Variants in TMOD1 observed in about 807,000 individuals in gnomAD.
The protein encoded by TMOD1 is tropomodulin 1.
In TMOD1, 17 loss-of-function variants were observed where a neutral mutation model predicts 40.6. That is an observed-to-expected ratio of 0.42 (90% CI 0.29 to 0.63). The LOEUF is 0.63. TMOD1 is among the 20% of genes least tolerant of loss of function. TMOD1 has a pLI of 0.22. For missense variants in TMOD1, 391 were observed against 447.6 expected, an observed-to-expected ratio of 0.87 and a Z score of 1.14; for synonymous variants, 181 against 175.0, an observed-to-expected ratio of 1.03 and a Z score of -0.27.
intron 9 of TMOD1, among the ~76,000 whole-genome samples, chr9:97,591,997 TGAA>T (rs1826011722): frequency 6.6e-6 from 1 of 150,418 alleles, no homozygotes; most frequent in African/African-American, 2.5e-5. Context: ...AAAATTATTA[TGAA>T]GGAGACATTA....
chr9:97,577,305 G>C (rs143630861), intron 8 of TMOD1, among the ~76,000 whole-genome samples: 1 of 152,150 alleles, frequency 6.6e-6, no homozygotes. Context: ...CACCATCTGC[G>C]TGTAGTTCCT....
chr9:97,581,105 T>C (rs10120837), intron 8 of TMOD1, among the ~76,000 whole-genome samples: 13,458 of 147,900 alleles, frequency 0.091, 646 homozygotes, highest in Admixed American at 0.14. Flanking sequence ...TAACTCGTCA[T>C]CTAGCATTAG....
At chr9:97,595,275 A>T (rs1232116708) in intron 9 of TMOD1, among the ~76,000 whole-genome samples, 1 of 152,204 alleles carries the variant, frequency 6.6e-6, no homozygotes, top group East Asian at 1.9e-4. Context: ...ATACACTATT[A>T]TTAGCTATAT....
chr9:97,508,441 C>T (rs1182999035), intron 1 of TMOD1, among the ~76,000 whole-genome samples: 2 of 152,144 alleles, frequency 1.3e-5, no homozygotes, highest in African/African-American at 2.4e-5. Flanking sequence ...CCACCCACCT[C>T]GGCCTCCCAC....
chr9:97,516,028 C>T (rs1829800404), intron 1 of TMOD1, among the ~76,000 whole-genome samples: 1 of 152,188 alleles, frequency 6.6e-6, no homozygotes, highest in Non-Finnish European at 1.5e-5. Flanking sequence ...GCTAAGCCCC[C>T]TCAAACTTCC....
chr9:97,587,135 G>T (rs1362236225), intron 8 of TMOD1, among the ~76,000 whole-genome samples: 1 of 152,142 alleles, frequency 6.6e-6, no homozygotes. Flanking sequence ...GATGTACCAG[G>T]GTTTGTTTGA....
intron 2 of TMOD1, among the ~76,000 whole-genome samples, chr9:97,538,982 C>G (rs186121021): frequency 6.6e-6 from 1 of 152,156 alleles, no homozygotes; most frequent in African/African-American, 2.4e-5. Context: ...TCCAGCCTGG[C>G]CAGCACAGCC....
intron 7 of TMOD1, 88 bp downstream of exon 7, chr9:97,566,043 C>A: frequency 8.6e-7 from 1 of 1,167,134 alleles, no homozygotes; most frequent in East Asian, 2.4e-5. Flanking sequence ...GGTTGTATCC[C>A]ACTAACAAAG....
chr9:97,598,538 C>T (rs1803171876), intron 9 of TMOD1, among the ~76,000 whole-genome samples: 1 of 152,206 alleles, frequency 6.6e-6, no homozygotes, highest in Non-Finnish European at 1.5e-5. Flanking sequence ...GCTTAAAAGT[C>T]TGGTTCATGT....
rs1291604225 is a variant in TMOD1, at chr9:97,533,721, TCCAAAA to T, written c.120+9417_120+9422del. Among the ~76,000 whole-genome samples, 6 of 152,302 alleles carry T rather than the reference TCCAAAA, an allele frequency of 3.9e-5. No homozygotes were observed. In the South Asian group the frequency reaches 1.2e-3, roughly 32 times the overall value. On this transcript the variant is annotated intron_variant, in intron 2 of 9. Transcript: ENST00000259365. ...GGACCCTCATTTTACAGATGGGGGATCCAAAACCAGAGAGCACCAGTGCCCCGTCTG... is the reference window on the plus strand; with the variant it reads ...GGACCCTCATTTTACAGATGGGGGATCCAGAGAGCACCAGTGCCCCGTCTG...
intron 1 of TMOD1, among the ~76,000 whole-genome samples, chr9:97,504,978 GA>G (rs1267017003): frequency 6.6e-6 from 1 of 152,184 alleles, no homozygotes; most frequent in Non-Finnish European, 1.5e-5. Flanking sequence ...GGAAAAGCAT[GA>G]ACCAGATAGC....
At chr9:97,503,265 G>T (rs1295362558) in intron 1 of TMOD1, among the ~76,000 whole-genome samples, 2 of 152,140 alleles carry the variant, frequency 1.3e-5, no homozygotes, top group African/African-American at 4.8e-5. Context: ...GCTCAGGCAG[G>T]TCCGGGAGCT....
chr9:97,542,084 T>A (rs970448455), intron 2 of TMOD1, among the ~76,000 whole-genome samples: 5 of 152,242 alleles, frequency 3.3e-5, no homozygotes, highest in Non-Finnish European at 5.9e-5. Context: ...TATGCCTATG[T>A]TTTCTTCCAA....
At chr9:97,548,320 C>A (rs1222342902) in intron 3 of TMOD1, among the ~76,000 whole-genome samples, 1 of 152,118 alleles carries the variant, frequency 6.6e-6, no homozygotes, top group Admixed American at 6.5e-5. Flanking sequence ...GGACTTCAAA[C>A]CATTCCAAAT....
rs116050217 is a variant in TMOD1 at position 97,502,171 on chromosome 9, C to T, written c.-49+368C>T. Among the ~76,000 whole-genome samples the T allele has an allele frequency of 0.041, 6,164 of 152,192 alleles. 161 individuals are homozygous for T. Among genetic ancestry groups the T allele is most frequent in the African/African-American group, 0.077 (3,183 of 41,556 alleles). On this transcript the variant is annotated intron_variant, in intron 1 of 9. Transcript: ENST00000259365. The surrounding 1 kb of genome is among the most constrained non-coding windows in gnomAD (Gnocchi z 6.1). ...GGGCGCCCCCGCCACCCGCAGGACTCCAGCGCGGCGGGGCTCTGAGCCCGC... is the reference window on the plus strand; with the variant it reads ...GGGCGCCCCCGCCACCCGCAGGACTTCAGCGCGGCGGGGCTCTGAGCCCGC...
At chr9:97,559,487 C>G (rs1442417779) in intron 4 of TMOD1, among the ~76,000 whole-genome samples, 1 of 151,332 alleles carries the variant, frequency 6.6e-6, no homozygotes, top group Admixed American at 6.6e-5. Context: ...AAAAATCGGC[C>G]GGGCGTGGTG....
At chr9:97,503,776 T>C (rs958683193) in intron 1 of TMOD1, among the ~76,000 whole-genome samples, 2 of 151,796 alleles carry the variant, frequency 1.3e-5, no homozygotes, top group African/African-American at 4.8e-5. Context: ...GGCCTGGAGG[T>C]TAGGATATCT....
At chr9:97,514,896 G>A (rs1390032392) in intron 1 of TMOD1, among the ~76,000 whole-genome samples, 2 of 152,256 alleles carry the variant, frequency 1.3e-5, no homozygotes, top group Non-Finnish European at 2.9e-5. Flanking sequence ...CGTGGGAAGG[G>A]GAAATGCCTG....
intron 1 of TMOD1, among the ~76,000 whole-genome samples, chr9:97,505,044 C>A (rs1829571386): frequency 6.6e-6 from 1 of 152,202 alleles, no homozygotes; most frequent in South Asian, 2.1e-4. Flanking sequence ...CTTCCTTTGG[C>A]TAATCATGAT....
Sources: gnomAD v4.1 joint callset for allele counts (sites outside exome capture counted in the v4.1 genomes callset) on GRCh38, gnomAD v4.1.1 for gene constraint, Gnocchi (gnomAD v3.1) non-coding constraint, MANE v1.5 for transcripts, NCBI Gene and HGNC (gene_info 2026-07-23, HGNC 2026-07-21) for gene names.